Variants in GXYLT2 observed in about 807,000 individuals in gnomAD.
GXYLT2 encodes the protein glucoside xylosyltransferase 2.
A neutral mutation model predicts 45.8 loss-of-function variants in GXYLT2; 53 were observed. The ratio of observed to expected loss-of-function variants is 1.16; its 90% CI spans 0.93 to 1.46. The LOEUF is 1.46. Among genes scored for constraint, GXYLT2 ranks in the 40% most tolerant of loss-of-function variants. The probability of loss-of-function intolerance (pLI) is 0.00; values close to 1 mark genes in which losing one functional copy is unlikely to be tolerated. For synonymous variants in GXYLT2, 219 were observed against 214.2 expected, an observed-to-expected ratio of 1.02 and a Z score of -0.19; for missense variants, 551 against 544.4, an observed-to-expected ratio of 1.01 and a Z score of -0.12.
At chr3:72,949,484 C>T (rs1421820481) in intron 3 of GXYLT2, among the ~76,000 whole-genome samples, 1 of 139,748 alleles carries the variant, frequency 7.2e-6, no homozygotes. Context: ...GAATATGTAT[C>T]ATTCTTTCTT....
chr3:72,963,930 G>A (rs4473507), intron 5 of GXYLT2, among the ~76,000 whole-genome samples: 1 of 151,924 alleles, frequency 6.6e-6, no homozygotes, highest in Non-Finnish European at 1.5e-5. Flanking sequence ...CTGCCTTGGC[G>A]TCCCAAAGTG....
chr3:72,908,650 C>G, intron 2 of GXYLT2, 91 bp downstream of exon 2: 1 of 1,083,072 alleles, frequency 9.2e-7, no homozygotes, highest in South Asian at 1.6e-5. Context: ...ATGTATTTTG[C>G]TGCATGTTCA....
intron 1 of GXYLT2, among the ~76,000 whole-genome samples, chr3:72,890,825 C>T (rs115660041): frequency 0.023 from 3,497 of 152,212 alleles, 141 homozygotes; most frequent in African/African-American, 0.079. Flanking sequence ...TTGAACATAT[C>T]TCTTAGATTA....
intron 3 of GXYLT2, among the ~76,000 whole-genome samples, chr3:72,945,670 C>G (rs1181289262): frequency 6.6e-6 from 1 of 152,188 alleles, no homozygotes; most frequent in Non-Finnish European, 1.5e-5. Context: ...GTGAAGTGCT[C>G]TGCCTGGCAT....
chr3:72,956,140 A>G (rs139263626), intron 4 of GXYLT2, among the ~76,000 whole-genome samples: 2 of 152,208 alleles, frequency 1.3e-5, no homozygotes, highest in African/African-American at 4.8e-5. Context: ...AGTCTCAGCT[A>G]CTTGGGAGGC....
chr3:72,937,739 C>T (rs1710218934), intron 3 of GXYLT2, among the ~76,000 whole-genome samples: 1 of 152,086 alleles, frequency 6.6e-6, no homozygotes, highest in Non-Finnish European at 1.5e-5. Context: ...AGGAAAATTC[C>T]CCTGAACCTT....
chr3:72,933,839 G>A (rs1710125759), intron 3 of GXYLT2, among the ~76,000 whole-genome samples: 1 of 152,004 alleles, frequency 6.6e-6, no homozygotes, highest in Admixed American at 6.6e-5. Context: ...GGAGATCGAG[G>A]CTGCAGATGA....
chr3:72,972,947 A>G (rs1711022254), intron 6 of GXYLT2, among the ~76,000 whole-genome samples: 1 of 151,798 alleles, frequency 6.6e-6, no homozygotes, highest in African/African-American at 2.4e-5. Context: ...AAAAAATAGT[A>G]ACAACTGGGC....
At chr3:72,974,040 A>T (rs942341236) in intron 6 of GXYLT2, among the ~76,000 whole-genome samples, 3 of 152,196 alleles carry the variant, frequency 2.0e-5, no homozygotes, top group African/African-American at 7.2e-5. Flanking sequence ...GTTAGGCAAG[A>T]GTGTACTGAT....
intron 3 of GXYLT2, chr3:72,929,350 T>C: frequency 9.7e-7 from 1 of 1,031,374 alleles, no homozygotes; most frequent in Non-Finnish European, 1.5e-6. Context: ...CGATGGAGTG[T>C]GCATTACATT....
At chr3:72,898,128 T>C (rs1245744125) in intron 1 of GXYLT2, among the ~76,000 whole-genome samples, 1 of 152,230 alleles carries the variant, frequency 6.6e-6, no homozygotes, top group African/African-American at 2.4e-5. Context: ...TTCTATGATA[T>C]ATGCACTACT....
chr3:72,896,854 TAAAAA>T (rs112290225), intron 1 of GXYLT2, among the ~76,000 whole-genome samples: 4 of 145,220 alleles, frequency 2.8e-5, no homozygotes, highest in African/African-American at 7.5e-5. Flanking sequence ...TGTCTCACAT[TAAAAA>T]AAAAAAAATG....
At chr3:72,929,232 G>C (rs879225653) in intron 3 of GXYLT2, 1 of 1,562,496 alleles carries the variant, frequency 6.4e-7, no homozygotes, top group Non-Finnish European at 8.7e-7. Context: ...CATGAGGAGA[G>C]GGAACATGCC....
intron 1 of GXYLT2, among the ~76,000 whole-genome samples, chr3:72,901,834 T>C (rs1362640377): frequency 1.3e-5 from 2 of 151,990 alleles, no homozygotes; most frequent in African/African-American, 4.8e-5. Flanking sequence ...GTGCTGGGAT[T>C]ACAGGGGTGA....
chr3:72,888,134 A>C lies in GXYLT2; in HGVS notation c.-100A>C. The C allele has an allele frequency of 8.3e-6, 6 of 719,338 alleles. No individual in the cohort carries two copies. Among genetic ancestry groups the C allele is most frequent in the Non-Finnish European group, 1.0e-5 (6 of 591,282 alleles). 44.6% of individuals were successfully genotyped at this position (719,338 alleles called of 1,614,324 possible). A position where few individuals can be genotyped will look rare whatever the true frequency, so the allele number is the denominator to read the frequency against. On this transcript the variant is annotated 5_prime_UTR_variant, in exon 1 of 7. Transcript: ENST00000389617. ...ACCCCAGTCCCCGGCGGGCGGGCGG[A>C]GGAGGCGACCGCCGCGCGCTGCTGC...
chr3:72,955,827 C>G (rs1044038297), intron 4 of GXYLT2, among the ~76,000 whole-genome samples: 8 of 152,166 alleles, frequency 5.3e-5, no homozygotes, highest in Non-Finnish European at 1.2e-4. Flanking sequence ...CTTGTAATCC[C>G]AGCACTTTGG....
At position 72,888,230 on chromosome 3, in the gene GXYLT2, C is replaced by G. The variant is rs952781205; in HGVS notation, c.-4C>G. On this transcript the variant is annotated 5_prime_UTR_variant, in exon 1 of 7. Transcript: ENST00000389617. ...GGGGGCCGCCGCCGCCGCCGCGCCG[C>G]ACCATGAAGCTCCGCAGCAAGGCGG... The G allele has an allele frequency of 3.0e-6, 3 of 990,476 alleles. No individual in the cohort carries two copies. The highest frequency in any genetic ancestry group is 6.3e-5 in the Admixed American group (1 of 15,952). 61.4% of individuals were successfully genotyped at this position (990,476 alleles called of 1,614,324 possible).
At chr3:72,964,722 T>G (rs1710833275) in intron 5 of GXYLT2, among the ~76,000 whole-genome samples, 1 of 152,242 alleles carries the variant, frequency 6.6e-6, no homozygotes, top group South Asian at 2.1e-4. Flanking sequence ...ATTTTTCTAT[T>G]ATTTGTCCAC....
At chr3:72,908,659 C>A in intron 2 of GXYLT2, 100 bp downstream of exon 2, 1 of 996,088 alleles carries the variant, frequency 1.0e-6, no homozygotes, top group Non-Finnish European at 1.5e-6. Flanking sequence ...GCTGCATGTT[C>A]AATTGTGTGA....
Sources: allele counts gnomAD v4.1 joint callset (sites outside exome capture counted in the v4.1 genomes callset), GRCh38; gene constraint gnomAD v4.1.1; transcripts MANE v1.5; gene names NCBI Gene and HGNC (gene_info 2026-07-23, HGNC 2026-07-21).